Variants in PUM3 observed in about 807,000 individuals in gnomAD.
The protein encoded by PUM3 is pumilio RNA binding family member 3, also known as pumilio homolog 3.
In PUM3, 91 loss-of-function variants were observed where a neutral mutation model predicts 84.0. The observed-to-expected ratio is 1.08, with a 90% confidence interval of 0.91 to 1.29. The LOEUF (loss-of-function observed/expected upper bound fraction) is 1.29, where lower values mean the gene tolerates loss of function less well. Ranked by LOEUF, PUM3 falls within the 50% of genes most tolerant of loss-of-function variation. The probability of loss-of-function intolerance (pLI) is 0.00; values close to 1 mark genes in which losing one functional copy is unlikely to be tolerated. For missense variants in PUM3, 1,067 were observed against 767.5 expected, an observed-to-expected ratio of 1.39 and a Z score of -4.61; for synonymous variants, 321 against 266.7, an observed-to-expected ratio of 1.20 and a Z score of -1.98.
intron 9 of PUM3, among the ~76,000 whole-genome samples, chr9:2,827,634 A>G (rs1815859363): frequency 6.6e-6 from 1 of 152,190 alleles, no homozygotes; most frequent in East Asian, 1.9e-4. Context: ...ACTTAATCCA[A>G]ACCCCCTAGT....
rs1361878217 is a variant in PUM3 at position 2,822,495 on chromosome 9, T to TAAA, written c.1188+1283_1188+1285dup. Reference sequence around the variant, plus strand: ...CCTTTAGAAGTAACTCTTCGAGATTTAAAAAGATATGTACTTAGTGTTAAA... The same window carrying TAAA: ...CCTTTAGAAGTAACTCTTCGAGATTTAAAAAAAAGATATGTACTTAGTGTTAAA... On this transcript the variant is annotated intron_variant, in intron 12 of 17. Transcript: ENST00000397885. 5.3e-5 allele frequency among the ~76,000 whole-genome samples: 8 copies of TAAA among 151,888 alleles called. No homozygotes were observed. The East Asian group carries it at 1.4e-3, about 26-fold the overall frequency.
chr9:2,833,418 T>C lies in PUM3; in HGVS notation c.455A>G (p.Lys152Arg), dbSNP rs778019262. 6.3e-6 allele frequency: 10 copies of C among 1,580,384 alleles called. No individual in the cohort carries two copies. The Admixed American group carries it at 1.5e-4, about 24-fold the overall frequency. Residue 152 changes from lysine (K) to arginine (R), a missense_variant, in exon 5 of 18, where the codon AAA becomes AGA. Lys to Arg is a conservative substitution (Grantham distance 26). Transcript: ENST00000397885. ...ACTCATTAACTTTACTCTTTTTTCTTTGTCACAGTCTTTTCTACAAATGAG... is the reference window on the plus strand; with the variant it reads ...ACTCATTAACTTTACTCTTTTTTCTCTGTCACAGTCTTTTCTACAAATGAG... ...WEILRRKDCD[K>R]EKRVKLMSDL... is the part of the protein sequence containing the mutation.
intron 13 of PUM3, among the ~76,000 whole-genome samples, chr9:2,814,184 G>A (rs112173673): frequency 3.2e-4 from 49 of 151,586 alleles, no homozygotes; most frequent in African/African-American, 1.2e-3. Context: ...ACTCTCTCAA[G>A]GAAAACAAGC....
chr9:2,828,040 A>T (rs537564507), intron 9 of PUM3, among the ~76,000 whole-genome samples: 2 of 151,550 alleles, frequency 1.3e-5, no homozygotes, highest in Non-Finnish European at 2.9e-5. Flanking sequence ...CCATTTTTTA[A>T]TTTTTTTTTA....
chr9:2,817,225 C>G (rs776785874), intron 13 of PUM3, among the ~76,000 whole-genome samples: 27 of 152,122 alleles, frequency 1.8e-4, no homozygotes, highest in Non-Finnish European at 3.8e-4. Context: ...GAAAATAAAT[C>G]GCAGTATAGT....
At chr9:2,842,460 G>C (rs56842769) in intron 1 of PUM3, among the ~76,000 whole-genome samples, 1 of 152,092 alleles carries the variant, frequency 6.6e-6, no homozygotes, top group Non-Finnish European at 1.5e-5. Context: ...CACCACACAG[G>C]AGCCACTATT....
chr9:2,821,443 C>CAAAAAAA lies in PUM3; in HGVS notation c.1189-1352_1189-1346dup, dbSNP rs572752267. On this transcript the variant is annotated intron_variant, in intron 12 of 17. Coordinates refer to ENST00000397885, the MANE Select transcript of PUM3 (RefSeq NM_014878.5). ...TGGGCGACAGAGCAAGACTCTGTCT[C>CAAAAAAA]AAAAAAAAAAAAAAAAAAAGAACAT... Among the ~76,000 whole-genome samples the CAAAAAAA allele has an allele frequency of 1.0e-3, 50 of 50,118 alleles. 2 individuals are homozygous for CAAAAAAA. Among genetic ancestry groups the CAAAAAAA allele is most frequent in the African/African-American group, 2.3e-3 (29 of 12,428 alleles). The allele number at this position is 50,118 out of a possible 152,430, so 32.9% of individuals were successfully genotyped here. A position where few individuals can be genotyped will look rare whatever the true frequency, so the allele number is the denominator to read the frequency against.
At chr9:2,821,341 G>A (rs1045660777) in intron 12 of PUM3, among the ~76,000 whole-genome samples, 4 of 151,176 alleles carry the variant, frequency 2.6e-5, no homozygotes, top group Non-Finnish European at 5.9e-5. Context: ...CTACTCAGGA[G>A]GCTGAGGCAG....
chr9:2,815,787 G>C (rs1486324763), intron 13 of PUM3, among the ~76,000 whole-genome samples: 1 of 152,140 alleles, frequency 6.6e-6, no homozygotes, highest in African/African-American at 2.4e-5. Context: ...AATTCAAAAG[G>C]TTTTGGCTTG....
chr9:2,837,130 G>T (rs1816143677), intron 3 of PUM3, 50 bp downstream of exon 3: 8 of 1,498,460 alleles, frequency 5.3e-6, no homozygotes, highest in Non-Finnish European at 6.5e-6. Flanking sequence ...CAGAGTCCCT[G>T]TGCACAATCG....
In PUM3 at chr9:2,828,753, T is replaced by C; in HGVS notation, c.878A>G (p.Lys293Arg). ...YKSADHRTLD[K>R]VLEVQPEKLE... ...TTTTTCTGGCTGTACCTCTAACACTTTGTCCAGAGTTCGGTGATCTGCTGA... is the reference window on the plus strand; with the variant it reads ...TTTTTCTGGCTGTACCTCTAACACTCTGTCCAGAGTTCGGTGATCTGCTGA... Residue 293 changes from lysine to arginine, a missense_variant, in exon 9 of 18, where the codon AAA (lysine) becomes AGA (arginine). Transcript: ENST00000397885. 6.2e-7 allele frequency: 1 copy of C among 1,602,624 alleles called. No homozygotes were observed. Among genetic ancestry groups the C allele is most frequent in the South Asian group, 1.1e-5 (1 of 90,742 alleles).
intron 11 of PUM3, among the ~76,000 whole-genome samples, chr9:2,824,369 T>G (rs999481840): frequency 6.6e-6 from 1 of 152,176 alleles, no homozygotes; most frequent in Non-Finnish European, 1.5e-5. Context: ...CAGCTGTTTG[T>G]TATCTCTTCC....
chr9:2,805,987 T>A (rs1821250411), intron 17 of PUM3, among the ~76,000 whole-genome samples: 1 of 152,168 alleles, frequency 6.6e-6, no homozygotes. Flanking sequence ...CAAAAACAAT[T>A]TTTTTGTATT....
chr9:2,834,161 C>T lies in PUM3; in HGVS notation c.310G>A (p.Ala104Thr). ...TCATCCCATTTGGGCTTCTTGGCTG[C>T]TGATTCTAGTTATTATAGAAATTAT... ...FQPDGRSDES[A>T]AKKPKWDDFK... The change falls in exon 4 of 18, where the codon GCA (alanine) becomes ACA (threonine). Residue 104 changes from alanine to threonine, a missense_variant. Coordinates refer to ENST00000397885, the MANE Select transcript of PUM3 (RefSeq NM_014878.5). 6 of 1,610,874 alleles carry T rather than the reference C, an allele frequency of 3.7e-6. No homozygotes were observed. The highest frequency in any genetic ancestry group is 5.1e-6 in the Non-Finnish European group (6 of 1,178,676).
chr9:2,805,309 A>G (rs1821237600), intron 17 of PUM3, among the ~76,000 whole-genome samples: 1 of 152,352 alleles, frequency 6.6e-6, no homozygotes, highest in African/African-American at 2.4e-5. Flanking sequence ...AAGGAGCCAT[A>G]GAGGCTGGTA....
chr9:2,832,136 C>G (rs748668755), intron 5 of PUM3, among the ~76,000 whole-genome samples: 5 of 152,146 alleles, frequency 3.3e-5, no homozygotes, highest in Non-Finnish European at 5.9e-5. Flanking sequence ...ATACTTCCAT[C>G]AAAGTCATAA....
intron 2 of PUM3, 50 bp downstream of exon 2, chr9:2,838,376 C>G (rs1390315854): frequency 1.6e-6 from 2 of 1,224,762 alleles, no homozygotes; most frequent in Non-Finnish European, 2.4e-6. Flanking sequence ...ACATGCCCTC[C>G]CATCCCCCAA....
chr9:2,821,443 C>CAAAAAAAGAAAAA (rs1815621909), intron 12 of PUM3, among the ~76,000 whole-genome samples: 1 of 50,130 alleles, frequency 2.0e-5, no homozygotes, highest in Non-Finnish European at 3.7e-5. Flanking sequence ...GACTCTGTCT[C>CAAAAAAAGAAAAA]AAAAAAAAAA....
intron 1 of PUM3, among the ~76,000 whole-genome samples, chr9:2,841,858 A>G (rs1245799403): frequency 1.3e-5 from 2 of 152,180 alleles, no homozygotes; most frequent in African/African-American, 4.8e-5. Context: ...TTAAATGTGC[A>G]TATAGTCAAG....
Sources: gnomAD v4.1 joint callset for allele counts (sites outside exome capture counted in the v4.1 genomes callset) on GRCh38, gnomAD v4.1.1 for gene constraint, MANE v1.5 for transcripts, NCBI Gene and HGNC (gene_info 2026-07-23, HGNC 2026-07-21) for gene names.